The following RIT2 variants were observed in gnomAD, a reference collection of about 807,000 sequenced individuals.
RIT2 encodes the protein GTP-binding protein Rit2.
Under a neutral mutation model 23.7 loss-of-function variants are expected in RIT2, and 24 were observed. The ratio of observed to expected loss-of-function variants is 1.01; its 90% CI spans 0.73 to 1.43. The LOEUF is 1.43. Ranked by LOEUF, RIT2 falls within the 40% of genes most tolerant of loss-of-function variation. The probability of loss-of-function intolerance (pLI) is 0.00; values close to 1 mark genes in which losing one functional copy is unlikely to be tolerated. For synonymous variants in RIT2, 107 were observed against 91.1 expected (o/e 1.17, Z -0.99); for missense variants, 236 against 266.9 (o/e 0.88, Z 0.81).
chr18:43,069,796 T>C (rs969381721), intron 1 of RIT2, among the ~76,000 whole-genome samples: 1 of 152,146 alleles, frequency 6.6e-6, no homozygotes, highest in African/African-American at 2.4e-5. Flanking sequence ...TTTCACCAAA[T>C]ATTCACAAAG....
chr18:42,792,257 C>T (rs1334108220), intron 4 of RIT2, among the ~76,000 whole-genome samples: 1 of 152,106 alleles, frequency 6.6e-6, no homozygotes, highest in African/African-American at 2.4e-5. Context: ...TTTGGGTGCT[C>T]TTTGATTTGC....
intron 2 of RIT2, among the ~76,000 whole-genome samples, chr18:43,027,239 G>C (rs570220720): frequency 5.9e-5 from 9 of 152,060 alleles, no homozygotes; most frequent in African/African-American, 9.7e-5. Context: ...GAGTCTGGTG[G>C]TACATTCAAC....
At chr18:42,754,837 A>C (rs1271619043) in intron 4 of RIT2, among the ~76,000 whole-genome samples, 1 of 152,214 alleles carries the variant, frequency 6.6e-6, no homozygotes, top group Non-Finnish European at 1.5e-5. Flanking sequence ...ATGAGTTCAT[A>C]AAACTGAAAT....
intron 4 of RIT2, among the ~76,000 whole-genome samples, chr18:42,828,661 A>G (rs1429028739): frequency 6.6e-6 from 1 of 152,112 alleles, no homozygotes; most frequent in Non-Finnish European, 1.5e-5. Flanking sequence ...TTGACAGGAG[A>G]CTCACCACTA....
At chr18:42,828,491 A>C (rs1279593805) in intron 4 of RIT2, among the ~76,000 whole-genome samples, 1 of 152,228 alleles carries the variant, frequency 6.6e-6, no homozygotes, top group Non-Finnish European at 1.5e-5. Flanking sequence ...TGGTTTTAGA[A>C]TAGGTGGCAT....
At position 43,014,759 on chromosome 18, in the gene RIT2, T is replaced by C. The variant is rs118080329; in HGVS notation, c.160+19052A>G. ...GCAGGAATGAGTCCAAATATGCCAG[T>C]AATTTTTAAAACCATGAATAAGTTA... On this transcript the variant is annotated intron_variant, in intron 2 of 4. Coordinates refer to ENST00000326695, the MANE Select transcript of RIT2 (RefSeq NM_002930.4). 1.4e-3 allele frequency among the ~76,000 whole-genome samples: 218 copies of C among 151,766 alleles called. 1 individual carries two copies. The East Asian group carries it at 0.037, about 26-fold the overall frequency.
intron 2 of RIT2, among the ~76,000 whole-genome samples, chr18:43,024,266 A>G (rs1911659781): frequency 6.6e-6 from 1 of 152,082 alleles, no homozygotes; most frequent in South Asian, 2.1e-4. Context: ...ACCTACAGCC[A>G]ACTGATCTTC....
intron 3 of RIT2, among the ~76,000 whole-genome samples, chr18:42,935,561 G>T (rs557937073): frequency 6.6e-6 from 1 of 152,114 alleles, no homozygotes. Context: ...TCCTAAGATC[G>T]AAGAGAGCCC....
chr18:43,094,125 T>TTG (rs1555657839), intron 1 of RIT2, among the ~76,000 whole-genome samples: 1 of 127,062 alleles, frequency 7.9e-6, no homozygotes, highest in Non-Finnish European at 1.7e-5. Flanking sequence ...TTTTTTTTGT[T>TTG]TTTTTTTTTT....
intron 3 of RIT2, among the ~76,000 whole-genome samples, chr18:42,943,252 T>C (rs765919047): frequency 2.6e-5 from 4 of 152,056 alleles, no homozygotes; most frequent in Non-Finnish European, 4.4e-5. Context: ...GATTGGTGCA[T>C]TTTACGGAAT....
At chr18:43,032,858 C>G (rs8096245) in intron 2 of RIT2, among the ~76,000 whole-genome samples, 2 of 151,934 alleles carry the variant, frequency 1.3e-5, no homozygotes, top group Non-Finnish European at 2.9e-5. Context: ...CAGCATACCA[C>G]TTAATATATC....
intron 3 of RIT2, 38 bp downstream of exon 3, chr18:42,974,036 A>C (rs755496674): frequency 2.2e-6 from 3 of 1,382,448 alleles, no homozygotes; most frequent in Non-Finnish European, 3.1e-6. Context: ...AGCATAAAAT[A>C]AACTCAGAGA....
chr18:42,759,712 TAC>T (rs59733922), intron 4 of RIT2, among the ~76,000 whole-genome samples: 6,094 of 131,502 alleles, frequency 0.046, 177 homozygotes, highest in African/African-American at 0.061. Flanking sequence ...GTGTTAAATC[TAC>T]ACACACACAC....
chr18:42,754,405 C>T (rs1003306037), intron 4 of RIT2, among the ~76,000 whole-genome samples: 1 of 150,636 alleles, frequency 6.6e-6, no homozygotes, highest in Non-Finnish European at 1.5e-5. Context: ...CTCTTTAGAA[C>T]GTGGAGTACA....
At chr18:43,012,020 G>T (rs1282894021) in intron 2 of RIT2, among the ~76,000 whole-genome samples, 1 of 150,140 alleles carries the variant, frequency 6.7e-6, no homozygotes, top group Non-Finnish European at 1.5e-5. Context: ...TTGGGAAACT[G>T]TCTATTTTTC....
chr18:43,021,395 A>T (rs1911594704), intron 2 of RIT2, among the ~76,000 whole-genome samples: 2 of 152,104 alleles, frequency 1.3e-5, no homozygotes, highest in South Asian at 4.1e-4. Context: ...GATCCCGGCA[A>T]GGATGTAGAG....
intron 4 of RIT2, among the ~76,000 whole-genome samples, chr18:42,900,562 T>G (rs1336544944): frequency 6.6e-6 from 1 of 152,074 alleles, no homozygotes; most frequent in Non-Finnish European, 1.5e-5. Flanking sequence ...TTGATGGAAT[T>G]GGCTATACCT....
chr18:42,890,884 T>C (rs745541425), intron 4 of RIT2, among the ~76,000 whole-genome samples: 2 of 152,102 alleles, frequency 1.3e-5, no homozygotes, highest in African/African-American at 2.4e-5. Context: ...GATCGGCATA[T>C]AATTCTAGGA....
At chr18:43,007,512 G>A (rs867386985) in intron 2 of RIT2, among the ~76,000 whole-genome samples, 3 of 151,620 alleles carry the variant, frequency 2.0e-5, no homozygotes, top group African/African-American at 7.3e-5. Flanking sequence ...AAATGGCTGA[G>A]TACAGTTCTG....
Sources: allele counts gnomAD v4.1 joint callset (sites outside exome capture counted in the v4.1 genomes callset), GRCh38; gene constraint gnomAD v4.1.1; transcripts MANE v1.5; gene names NCBI Gene and HGNC (gene_info 2026-07-23, HGNC 2026-07-21).